Variants in ST6GALNAC3 observed in about 807,000 individuals in gnomAD.
ST6GALNAC3 encodes ST6 N-acetylgalactosaminide alpha-2,6-sialyltransferase 3.
A neutral mutation model predicts 32.7 loss-of-function variants in ST6GALNAC3; 25 were observed. The observed-to-expected ratio is 0.76, with a 90% CI of 0.56 to 1.07. The LOEUF is 1.07. Among genes scored for constraint, ST6GALNAC3 ranks in the 50% least tolerant of loss-of-function variants. ST6GALNAC3 has a pLI of 0.00. For synonymous variants in ST6GALNAC3, 129 were observed against 133.1 expected (o/e 0.97, Z 0.21); for missense variants, 355 against 382.4 (o/e 0.93, Z 0.60).
chr1:76,298,311 G>A (rs903313124), intron 1 of ST6GALNAC3, among the ~76,000 whole-genome samples: 13 of 151,930 alleles, frequency 8.6e-5, no homozygotes, highest in Non-Finnish European at 1.5e-5. Context: ...ACCAACACAT[G>A]GTATATACTG....
At chr1:76,470,929 C>T (rs995575170) in intron 3 of ST6GALNAC3, among the ~76,000 whole-genome samples, 1 of 152,076 alleles carries the variant, frequency 6.6e-6, no homozygotes, top group African/African-American at 2.4e-5. Flanking sequence ...AGGTCCTTTA[C>T]AGATTGTTGA....
At chr1:76,130,934 C>A (rs1164651956) in intron 1 of ST6GALNAC3, among the ~76,000 whole-genome samples, 1 of 152,208 alleles carries the variant, frequency 6.6e-6, no homozygotes, top group African/African-American at 2.4e-5. Flanking sequence ...AGAGTCAGGG[C>A]CTGGGCCATG....
chr1:76,410,868 G>C (rs1051196882), intron 2 of ST6GALNAC3, among the ~76,000 whole-genome samples: 2 of 152,074 alleles, frequency 1.3e-5, no homozygotes, highest in African/African-American at 4.8e-5. Flanking sequence ...AAATGAAAAA[G>C]ATAGGCATTG....
chr1:76,397,486 C>T (rs570995188), intron 2 of ST6GALNAC3, among the ~76,000 whole-genome samples: 1 of 151,536 alleles, frequency 6.6e-6, no homozygotes, highest in South Asian at 2.1e-4. Context: ...TCTCCTGCCT[C>T]AGCCTCCCGA....
intron 4 of ST6GALNAC3, among the ~76,000 whole-genome samples, chr1:76,628,152 A>C (rs970909117): frequency 6.6e-5 from 10 of 151,950 alleles, no homozygotes; most frequent in African/African-American, 2.2e-4. Flanking sequence ...CTATTTCCCT[A>C]CCAACAATTG....
chr1:76,405,379 A>G (rs1297547731), intron 2 of ST6GALNAC3, among the ~76,000 whole-genome samples: 3 of 152,118 alleles, frequency 2.0e-5, no homozygotes, highest in Non-Finnish European at 4.4e-5. Context: ...TTCAGAGAGA[A>G]AAAAGTAAAG....
At chr1:76,261,980 G>A (rs767943464) in intron 1 of ST6GALNAC3, among the ~76,000 whole-genome samples, 7 of 152,112 alleles carry the variant, frequency 4.6e-5, no homozygotes, top group South Asian at 2.1e-4. Flanking sequence ...TTTTTCACGC[G>A]GAAAGAAGAC....
At chr1:76,371,214 C>G (rs1278910414) in intron 2 of ST6GALNAC3, among the ~76,000 whole-genome samples, 1 of 152,094 alleles carries the variant, frequency 6.6e-6, no homozygotes, top group Non-Finnish European at 1.5e-5. Flanking sequence ...TAAGATGAAG[C>G]AGATATGGGT....
intron 3 of ST6GALNAC3, among the ~76,000 whole-genome samples, chr1:76,543,394 T>C (rs1664107070): frequency 6.6e-6 from 1 of 152,200 alleles, no homozygotes; most frequent in African/African-American, 2.4e-5. Context: ...TTCTAATTAA[T>C]AGACCACGTA....
At chr1:76,466,247 A>G (rs1384688212) in intron 3 of ST6GALNAC3, among the ~76,000 whole-genome samples, 3 of 152,092 alleles carry the variant, frequency 2.0e-5, no homozygotes, top group Non-Finnish European at 4.4e-5. Context: ...AACTTGTATC[A>G]GCTCCCCAGA....
At chr1:76,597,564 C>G (rs1024020439) in intron 3 of ST6GALNAC3, among the ~76,000 whole-genome samples, 18 of 152,066 alleles carry the variant, frequency 1.2e-4, no homozygotes, top group African/African-American at 4.3e-4. Flanking sequence ...TTCTACTTCC[C>G]CACAAGTTTT....
intron 2 of ST6GALNAC3, among the ~76,000 whole-genome samples, chr1:76,369,587 G>A (rs1339370833): frequency 6.6e-6 from 1 of 152,104 alleles, no homozygotes; most frequent in Non-Finnish European, 1.5e-5. Flanking sequence ...CTCTGGTTCT[G>A]AGTAAATGCC....
At chr1:76,495,416 T>G (rs74089970) in intron 3 of ST6GALNAC3, among the ~76,000 whole-genome samples, 19,218 of 152,082 alleles carry the variant, frequency 0.13, 2,429 homozygotes, top group African/African-American at 0.33. Context: ...TCAAACAAAG[T>G]TGCAAAAAGT....
At chr1:76,567,109 C>T (rs969797013) in intron 3 of ST6GALNAC3, among the ~76,000 whole-genome samples, 6 of 152,160 alleles carry the variant, frequency 3.9e-5, no homozygotes, top group African/African-American at 1.4e-4. Context: ...TTAATATTTT[C>T]TTGTTCTATA....
intron 1 of ST6GALNAC3, among the ~76,000 whole-genome samples, chr1:76,126,993 G>T (rs1460887677): frequency 6.6e-6 from 1 of 152,158 alleles, no homozygotes; most frequent in African/African-American, 2.4e-5. Context: ...CTTTTATTAG[G>T]CACATAAGAA....
chr1:76,446,944 G>A (rs113973828), intron 3 of ST6GALNAC3, among the ~76,000 whole-genome samples: 8,371 of 152,160 alleles, frequency 0.055, 372 homozygotes, highest in African/African-American at 0.13. Context: ...ACAGTAAATT[G>A]GTACCAGTAG....
intron 3 of ST6GALNAC3, among the ~76,000 whole-genome samples, chr1:76,547,344 T>C (rs1557556370): frequency 6.6e-6 from 1 of 152,220 alleles, no homozygotes; most frequent in Non-Finnish European, 1.5e-5. Context: ...AGTCATACTC[T>C]TCAACAATGA....
intron 3 of ST6GALNAC3, among the ~76,000 whole-genome samples, chr1:76,545,057 C>T (rs900434424): frequency 2.0e-5 from 3 of 152,182 alleles, no homozygotes; most frequent in African/African-American, 7.2e-5. Flanking sequence ...CAAACCACTA[C>T]CGTAGCGTTT....
intron 1 of ST6GALNAC3, among the ~76,000 whole-genome samples, chr1:76,248,123 C>T (rs925293400): frequency 1.3e-5 from 2 of 152,136 alleles, no homozygotes; most frequent in African/African-American, 4.8e-5. Flanking sequence ...CTTCTGCTCA[C>T]TCTCTGTGGG....
Sources: gnomAD v4.1 joint callset for allele counts (sites outside exome capture counted in the v4.1 genomes callset) on GRCh38, gnomAD v4.1.1 for gene constraint, MANE v1.5 for transcripts, NCBI Gene and HGNC (gene_info 2026-07-23, HGNC 2026-07-21) for gene names.